Variants in WWOX observed in about 807,000 individuals in gnomAD.
WWOX encodes WW domain containing oxidoreductase, also known as WW domain-containing oxidoreductase.
In WWOX, 69 loss-of-function variants were observed where a neutral mutation model predicts 46.2. The ratio of observed to expected loss-of-function variants is 1.49; its 90% CI spans 1.23 to 1.82. The LOEUF is 1.82. Among genes scored for constraint, WWOX ranks in the 40% most tolerant of loss-of-function variants. The pLI, the probability that WWOX is intolerant of heterozygous loss-of-function variation, is 0.00. For synonymous variants in WWOX, 359 were observed against 202.6 expected (o/e 1.77, Z -6.56); for missense variants, 919 against 542.6 (o/e 1.69, Z -6.89).
chr16:78,700,081 T>C (rs1040054504), intron 8 of WWOX, among the ~76,000 whole-genome samples: 6 of 152,050 alleles, frequency 3.9e-5, no homozygotes, highest in Admixed American at 3.3e-4. Flanking sequence ...CAGTAAGAGA[T>C]ACTGTCCTAG....
chr16:78,777,166 C>G (rs1040939701), intron 8 of WWOX, among the ~76,000 whole-genome samples: 1 of 55,442 alleles, frequency 1.8e-5, no homozygotes, highest in Non-Finnish European at 4.8e-5. Flanking sequence ...TGCCATTGTT[C>G]AATGGCTGTA....
chr16:78,776,825 A>G (rs2050201807), intron 8 of WWOX, among the ~76,000 whole-genome samples: 2 of 152,136 alleles, frequency 1.3e-5, no homozygotes, highest in South Asian at 4.1e-4. Flanking sequence ...CACCACATAT[A>G]AAACCATCAG....
intron 8 of WWOX, among the ~76,000 whole-genome samples, chr16:78,816,619 G>C (rs771698186): frequency 1.4e-5 from 2 of 141,790 alleles, no homozygotes; most frequent in African/African-American, 5.2e-5. Flanking sequence ...AGTTGTAATA[G>C]TAAATACAGA....
At chr16:78,201,414 T>A (rs903771763) in intron 5 of WWOX, among the ~76,000 whole-genome samples, 11 of 152,206 alleles carry the variant, frequency 7.2e-5, no homozygotes, top group Admixed American at 6.5e-4. Flanking sequence ...AAGACTGTAT[T>A]CTAAGTCTAA....
chr16:78,912,291 C>G (rs1293529807), intron 8 of WWOX, among the ~76,000 whole-genome samples: 1 of 152,016 alleles, frequency 6.6e-6, no homozygotes, highest in East Asian at 1.9e-4. Flanking sequence ...CACTGTGTGC[C>G]AGGCACTATG....
intron 8 of WWOX, among the ~76,000 whole-genome samples, chr16:78,881,543 A>C (rs2044343842): frequency 6.6e-6 from 1 of 152,230 alleles, no homozygotes; most frequent in Admixed American, 6.5e-5. Flanking sequence ...TCCTTGCTGG[A>C]ATAGTCTCTA....
At chr16:78,761,217 A>G (rs1244709209) in intron 8 of WWOX, among the ~76,000 whole-genome samples, 1 of 152,132 alleles carries the variant, frequency 6.6e-6, no homozygotes, top group Non-Finnish European at 1.5e-5. Flanking sequence ...TAATGGCCTC[A>G]TCTTTTCTGG....
At chr16:79,049,054 G>C (rs2048118059) in intron 8 of WWOX, among the ~76,000 whole-genome samples, 1 of 152,178 alleles carries the variant, frequency 6.6e-6, no homozygotes, top group African/African-American at 2.4e-5. Context: ...AAGCGACAAG[G>C]TTTCTATCCT....
At chr16:78,793,168 G>C (rs932885184) in intron 8 of WWOX, among the ~76,000 whole-genome samples, 4 of 152,150 alleles carry the variant, frequency 2.6e-5, no homozygotes, top group African/African-American at 9.7e-5. Flanking sequence ...TGTCTCATGG[G>C]ATCAAGTGAT....
At chr16:78,936,145 T>G (rs1346815662) in intron 8 of WWOX, among the ~76,000 whole-genome samples, 1 of 152,010 alleles carries the variant, frequency 6.6e-6, no homozygotes, top group East Asian at 1.9e-4. Context: ...AACCGGAGAA[T>G]GGTGGTCCAT....
At chr16:78,933,858 C>T (rs1263922324) in intron 8 of WWOX, among the ~76,000 whole-genome samples, 4 of 152,142 alleles carry the variant, frequency 2.6e-5, no homozygotes, top group African/African-American at 9.6e-5. Context: ...AGTTGCAATT[C>T]AACATGAGAT....
intron 8 of WWOX, among the ~76,000 whole-genome samples, chr16:78,554,728 A>C (rs1250668235): frequency 6.6e-6 from 1 of 152,116 alleles, no homozygotes; most frequent in Non-Finnish European, 1.5e-5. Flanking sequence ...CATTCAGGGC[A>C]CGCAGATTTG....
At chr16:78,224,561 C>G (rs1367220542) in intron 5 of WWOX, among the ~76,000 whole-genome samples, 2 of 152,108 alleles carry the variant, frequency 1.3e-5, no homozygotes, top group Non-Finnish European at 2.9e-5. Context: ...TTTACTTAAC[C>G]AATCCCCTGT....
chr16:78,893,166 G>A (rs1277883773), intron 8 of WWOX, among the ~76,000 whole-genome samples: 1 of 151,508 alleles, frequency 6.6e-6, no homozygotes, highest in East Asian at 1.9e-4. Context: ...AAAGACACAC[G>A]ACTATGAGAT....
At chr16:78,104,999 A>G (rs1166645962) in intron 1 of WWOX, among the ~76,000 whole-genome samples, 2 of 152,168 alleles carry the variant, frequency 1.3e-5, no homozygotes, top group East Asian at 3.9e-4. Flanking sequence ...TTCACGACCA[A>G]ATTACTCTCT....
chr16:78,716,904 C>A (rs1351174393), intron 8 of WWOX, among the ~76,000 whole-genome samples: 4 of 152,164 alleles, frequency 2.6e-5, no homozygotes, highest in Admixed American at 2.6e-4. Context: ...TGTTTATTAT[C>A]TTATTTTCAG....
At chr16:79,020,206 C>G (rs2047503240) in intron 8 of WWOX, among the ~76,000 whole-genome samples, 1 of 152,280 alleles carries the variant, frequency 6.6e-6, no homozygotes. Context: ...TATAATAAAG[C>G]AACTTAACCC....
intron 8 of WWOX, among the ~76,000 whole-genome samples, chr16:78,926,661 T>C (rs2045505568): frequency 6.6e-6 from 1 of 152,230 alleles, no homozygotes; most frequent in South Asian, 2.1e-4. Flanking sequence ...TACACTGGTA[T>C]GACCTTTATC....
chr16:79,154,577 C>T (rs903481449), intron 8 of WWOX, among the ~76,000 whole-genome samples: 1 of 150,256 alleles, frequency 6.7e-6, no homozygotes, highest in Non-Finnish European at 1.5e-5. Context: ...TGGGGATATT[C>T]GATGGCAATT....
Sources: gnomAD v4.1 joint callset for allele counts (sites outside exome capture counted in the v4.1 genomes callset) on GRCh38, gnomAD v4.1.1 for gene constraint, MANE v1.5 for transcripts, NCBI Gene and HGNC (gene_info 2026-07-23, HGNC 2026-07-21) for gene names.